The following KIF5B variants were observed in gnomAD, a reference collection of about 807,000 sequenced individuals.
The protein encoded by KIF5B is kinesin family member 5B, also known as kinesin-1 heavy chain.
In KIF5B, 49 loss-of-function variants were observed where a neutral mutation model predicts 132.8. That is an observed-to-expected ratio of 0.37 (90% confidence interval 0.29 to 0.47). KIF5B has a LOEUF of 0.47. KIF5B is among the 20% of genes least tolerant of loss of function. The pLI is 1.00. For synonymous variants in KIF5B, 355 were observed against 369.4 expected, an observed-to-expected ratio of 0.96 and a Z score of 0.45; for missense variants, 780 against 1,144.0, an observed-to-expected ratio of 0.68 and a Z score of 4.59.
rs1841181704 is a variant in KIF5B, at chr10:32,017,123, T to A, written c.2761+20A>T. ...ATTCAAATTGAGCAAGGTTTAAAGG[T>A]TTTAATGTGTTCTACTAACCAATCT... On this transcript the variant is annotated intron_variant, in intron 24 of 25. Coordinates refer to ENST00000302418, the MANE Select transcript of KIF5B (RefSeq NM_004521.3). 1.3e-6 allele frequency: 2 copies of A among 1,592,530 alleles called. No individual in the cohort carries two copies. The highest frequency in any genetic ancestry group is 8.6e-7 in the Non-Finnish European group (1 of 1,160,456).
Position 32,037,689 on chromosome 10 carries a change from C to T in KIF5B, c.499-82G>A, listed in dbSNP as rs1187371803. ...CTCTAATAAAAACACAAAAATTAGC[C>T]GGGCGCGGTGGCGGGTGCCTGTAAT... is the stretch of plus-strand genomic sequence containing the variant. On this transcript the variant is annotated intron_variant, in intron 6 of 25. Coordinates refer to ENST00000302418, the MANE Select transcript of KIF5B (RefSeq NM_004521.3). 1.3e-5 allele frequency: 14 copies of T among 1,040,504 alleles called. No individual in the cohort carries two copies. The Admixed American group carries it at 1.9e-4, about 14-fold the overall frequency. The allele number at this position is 1,040,504 out of a possible 1,614,324, so 64.5% of individuals were successfully genotyped here.
chr10:32,020,213 G>A (rs1841239600), intron 19 of KIF5B, among the ~76,000 whole-genome samples: 1 of 151,900 alleles, frequency 6.6e-6, no homozygotes, highest in Admixed American at 6.6e-5. Context: ...CTTCCATCAG[G>A]TATTCATAGT....
chr10:32,017,415 G>GT, intron 23 of KIF5B, 56 bp from the exon 24 acceptor site: 1 of 1,336,626 alleles, frequency 7.5e-7, no homozygotes, highest in South Asian at 1.2e-5. Flanking sequence ...ACTTGAAAAA[G>GT]TATGAGCATT....
chr10:32,014,739 T>C (rs1357252210), intron 25 of KIF5B, among the ~76,000 whole-genome samples: 2 of 152,178 alleles, frequency 1.3e-5, no homozygotes, highest in Non-Finnish European at 2.9e-5. Context: ...TGTTAATATG[T>C]AGCAAGAGCC....
intron 12 of KIF5B, among the ~76,000 whole-genome samples, 172 bp downstream of exon 12, chr10:32,033,673 T>G (rs558643770): frequency 6.8e-4 from 103 of 152,288 alleles, no homozygotes; most frequent in South Asian, 1.9e-3. Flanking sequence ...AAATTGAAAT[T>G]ATGACTTTTT....
chr10:32,052,747 G>C (rs76470225), intron 1 of KIF5B, among the ~76,000 whole-genome samples: 2 of 151,996 alleles, frequency 1.3e-5, no homozygotes, highest in African/African-American at 4.8e-5. Context: ...TATGTATATC[G>C]CTTAAAGACT....
At chr10:32,054,283 C>G (rs1467159426) in intron 1 of KIF5B, among the ~76,000 whole-genome samples, 3 of 152,160 alleles carry the variant, frequency 2.0e-5, no homozygotes, top group Admixed American at 2.0e-4. Flanking sequence ...TATACCATCC[C>G]AAAGGAAAAG....
chr10:32,056,416 G>T lies in KIF5B; in HGVS notation c.-443C>A, dbSNP rs916885419. 1 of 169,404 alleles carries T rather than the reference G, an allele frequency of 5.9e-6. No homozygotes were observed. Among genetic ancestry groups the T allele is most frequent in the Non-Finnish European group, 1.3e-5 (1 of 78,402 alleles). 10.5% of individuals were successfully genotyped at this position (169,404 alleles called of 1,614,324 possible). A position where few individuals can be genotyped will look rare whatever the true frequency, so the allele number is the denominator to read the frequency against. On this transcript the variant is annotated 5_prime_UTR_variant, in exon 1 of 26. Transcript: ENST00000302418. ...CTGCCCGATCACTCCTGAGGCCGCC[G>T]TTGGGCGACAGGGCGGTGCGGGAGG...
At chr10:32,050,664 G>C (rs905751338) in intron 1 of KIF5B, among the ~76,000 whole-genome samples, 7 of 152,184 alleles carry the variant, frequency 4.6e-5, no homozygotes, top group African/African-American at 1.7e-4. Context: ...AAGCATTACT[G>C]ACAGATACAA....
At position 32,022,954 on chromosome 10, in the gene KIF5B, G is replaced by A. The variant is rs1436261690; in HGVS notation, c.1808C>T (p.Thr603Ile). 2.5e-6 allele frequency: 4 copies of A among 1,613,270 alleles called. No individual in the cohort carries two copies. The highest frequency in any genetic ancestry group is 2.2e-5 in the East Asian group (1 of 44,838). The change falls in exon 16 of 26, where the codon ACC becomes ATC. Residue 603 changes from threonine (T) to isoleucine (I), a missense_variant. By Grantham distance (89) the Thr-to-Ile change is moderately conservative. This residue lies in a region of KIF5B where 471 missense variants were observed against 569.9 expected (regional missense o/e 0.83). Transcript: ENST00000302418. ...YISKMKSEVK[T>I]MVKRCKQLES... is the part of the protein sequence containing the mutation. The stretch of plus-strand genomic sequence containing the variant: ...TAACTGCTTGCAACGTTTCACCATG[G>A]TTTTTACTTCTGACTTCATTTTGCT...
chr10:32,056,009 T>A lies in KIF5B; in HGVS notation c.-36A>T. ...GCCGGGGCCGGCGGCCGGGAGCCAC[T>A]CCCCGCCGCTCAGTCTTGCAGGGAA... On this transcript the variant is annotated 5_prime_UTR_variant, in exon 1 of 26. Coordinates refer to ENST00000302418, the MANE Select transcript of KIF5B (RefSeq NM_004521.3). 1 of 1,596,260 alleles carries A rather than the reference T, an allele frequency of 6.3e-7. No homozygotes were observed.
At chr10:32,040,854 G>A (rs1207489301) in intron 2 of KIF5B, among the ~76,000 whole-genome samples, 1 of 151,932 alleles carries the variant, frequency 6.6e-6, no homozygotes, top group Non-Finnish European at 1.5e-5. Flanking sequence ...TGGGCTTGGT[G>A]GCGCGTGCCT....
Position 32,055,732 on chromosome 10 carries a change from G to C in KIF5B, c.126+116C>G, listed in dbSNP as rs1592458147. ...TATCTGAACCGGCAAACCCCGCCGG[G>C]GAGGGCTGGGGACACCGCCGCTCCC... On this transcript the variant is annotated intron_variant, in intron 1 of 25. Transcript: ENST00000302418. 4.4e-6 allele frequency: 6 copies of C among 1,367,106 alleles called. No individual in the cohort carries two copies. In the East Asian group the frequency reaches 1.5e-4, roughly 34 times the overall value. 84.7% of individuals were successfully genotyped at this position (1,367,106 alleles called of 1,614,324 possible).
At chr10:32,033,359 T>C (rs1841424676) in intron 12 of KIF5B, among the ~76,000 whole-genome samples, 1 of 152,198 alleles carries the variant, frequency 6.6e-6, no homozygotes, top group Admixed American at 6.5e-5. Context: ...CAGCAAGCAT[T>C]ACCACTTGAG....
chr10:32,014,595 A>AT (rs1841133353), intron 25 of KIF5B, among the ~76,000 whole-genome samples: 3 of 152,154 alleles, frequency 2.0e-5, no homozygotes, highest in Middle Eastern at 3.4e-3. Flanking sequence ...GTATCTCTAG[A>AT]TTTTTTCTAA....
At position 32,022,269 on chromosome 10, in the gene KIF5B, A is replaced by G; in HGVS notation, c.1915-12T>C. On this transcript the variant is annotated splice_polypyrimidine_tract_variant and intron_variant, in intron 16 of 25. Transcript: ENST00000302418. Reference sequence around the variant, plus strand: ...ATTTTGGCTTCATGCTTTTGGAAAAAATATACTGATATGAAGTGGAAAACA... The same window carrying G: ...ATTTTGGCTTCATGCTTTTGGAAAAGATATACTGATATGAAGTGGAAAACA... 1 of 1,364,092 alleles carries G rather than the reference A, an allele frequency of 7.3e-7. No individual in the cohort carries two copies. The highest frequency in any genetic ancestry group is 1.0e-6 in the Non-Finnish European group (1 of 955,938). The allele number at this position is 1,364,092 out of a possible 1,614,324, so 84.5% of individuals were successfully genotyped here.
At chr10:32,052,894 AT>A (rs1445566302) in intron 1 of KIF5B, among the ~76,000 whole-genome samples, 1 of 152,236 alleles carries the variant, frequency 6.6e-6, no homozygotes, top group Non-Finnish European at 1.5e-5. Context: ...ATGGTGTCAT[AT>A]TAAAATCACT....
At chr10:32,043,858 G>A (rs1018364544) in intron 2 of KIF5B, among the ~76,000 whole-genome samples, 1 of 152,082 alleles carries the variant, frequency 6.6e-6, no homozygotes, top group African/African-American at 2.4e-5. Flanking sequence ...GGTCATTACT[G>A]GCAACTTGCT....
intron 2 of KIF5B, among the ~76,000 whole-genome samples, chr10:32,045,191 A>G (rs1011101387): frequency 2.0e-5 from 3 of 152,294 alleles, no homozygotes; most frequent in East Asian, 1.9e-4. Context: ...TATACAAGAG[A>G]AGAGACAGAA....
Sources: allele counts gnomAD v4.1 joint callset (sites outside exome capture counted in the v4.1 genomes callset), GRCh38; gene constraint gnomAD v4.1.1; regional missense constraint gnomAD v4.1.1; transcripts MANE v1.5; gene names NCBI Gene and HGNC (gene_info 2026-07-23, HGNC 2026-07-21).